Variants in FBLN2 observed in about 807,000 individuals in gnomAD.
FBLN2 encodes the protein fibulin 2.
Under a neutral mutation model 123.7 loss-of-function variants are expected in FBLN2, and 81 were observed. The ratio of observed to expected loss-of-function variants is 0.65; its 90% confidence interval spans 0.55 to 0.79. The LOEUF is 0.79. Ranked by LOEUF, FBLN2 falls within the 30% of genes least tolerant of loss-of-function variation. The probability of loss-of-function intolerance (pLI) is 0.00; values close to 1 mark genes in which losing one functional copy is unlikely to be tolerated. For missense variants in FBLN2, 1,603 were observed against 1,681.3 expected (o/e 0.95, Z 0.81); for synonymous variants, 699 against 701.4 (o/e 1.00, Z 0.05).
At chr3:13,565,702 C>A (rs562527320) in intron 1 of FBLN2, among the ~76,000 whole-genome samples, 36 of 152,356 alleles carry the variant, frequency 2.4e-4, no homozygotes, top group African/African-American at 5.0e-4. Context: ...AGGGTTGCAG[C>A]CTGAGGCCAG....
intron 3 of FBLN2, among the ~76,000 whole-genome samples, chr3:13,609,256 C>T (rs968049817): frequency 6.6e-6 from 1 of 152,196 alleles, no homozygotes; most frequent in African/African-American, 2.4e-5. Flanking sequence ...GGGGTGGGGA[C>T]TCTGATGCCA....
intron 2 of FBLN2, among the ~76,000 whole-genome samples, chr3:13,587,469 C>T (rs1162316197): frequency 4.6e-5 from 7 of 152,160 alleles, no homozygotes; most frequent in Admixed American, 2.0e-4. Flanking sequence ...GAGTCACCCA[C>T]GGCAGCATCC....
intron 2 of FBLN2, among the ~76,000 whole-genome samples, chr3:13,574,861 A>G (rs1268720367): frequency 6.6e-6 from 1 of 150,814 alleles, no homozygotes; most frequent in Non-Finnish European, 1.5e-5. Context: ...CCGATCCCCC[A>G]CCCGCTGGGC....
chr3:13,581,246 C>T (rs899156732), intron 2 of FBLN2, among the ~76,000 whole-genome samples: 1 of 151,756 alleles, frequency 6.6e-6, no homozygotes, highest in Non-Finnish European at 1.5e-5. Flanking sequence ...GGGCCTGGGG[C>T]ACTGGCTTTC....
intron 2 of FBLN2, among the ~76,000 whole-genome samples, chr3:13,576,279 G>A (rs1704143361): frequency 6.6e-6 from 1 of 152,212 alleles, no homozygotes; most frequent in South Asian, 2.1e-4. Context: ...ACACTGCAGA[G>A]CCCCTCATGC....
At chr3:13,567,668 T>C (rs995548148) in intron 1 of FBLN2, among the ~76,000 whole-genome samples, 1 of 151,676 alleles carries the variant, frequency 6.6e-6, no homozygotes, top group African/African-American at 2.4e-5. Flanking sequence ...AAAGATTTCC[T>C]TTCTTAAAAG....
At chr3:13,577,330 G>GCGTGCTC in intron 2 of FBLN2, among the ~76,000 whole-genome samples, 1 of 152,136 alleles carries the variant, frequency 6.6e-6, no homozygotes, top group South Asian at 2.1e-4. Context: ...AGCGAGCCAC[G>GCGTGCTC]CGTGCACCTG....
intron 2 of FBLN2, among the ~76,000 whole-genome samples, chr3:13,582,406 C>T (rs58058003): frequency 0.052 from 7,981 of 152,284 alleles, 448 homozygotes; most frequent in East Asian, 0.3. Flanking sequence ...AGCACCTCCT[C>T]GAGGCTAGGC....
chr3:13,594,556 T>G (rs376895847), intron 2 of FBLN2, among the ~76,000 whole-genome samples: 1 of 152,186 alleles, frequency 6.6e-6, no homozygotes, highest in Admixed American at 6.5e-5. Flanking sequence ...GTTTAAACCC[T>G]TGGGCACATC....
At chr3:13,591,031 T>G (rs78435085) in intron 2 of FBLN2, among the ~76,000 whole-genome samples, 3 of 152,254 alleles carry the variant, frequency 2.0e-5, no homozygotes, top group Non-Finnish European at 4.4e-5. Flanking sequence ...CAGCCATGCA[T>G]GAGAGTTCCA....
chr3:13,552,899 G>A (rs1345704824), intron 1 of FBLN2, among the ~76,000 whole-genome samples: 2 of 152,152 alleles, frequency 1.3e-5, no homozygotes, highest in African/African-American at 2.4e-5. Flanking sequence ...ACAGAGGAGC[G>A]GAACACAGGG....
chr3:13,550,112 C>A (rs994410739), intron 1 of FBLN2, among the ~76,000 whole-genome samples: 1 of 152,224 alleles, frequency 6.6e-6, no homozygotes, highest in African/African-American at 2.4e-5. Context: ...GTCTCACATA[C>A]GAGTCACAGA....
intron 2 of FBLN2, among the ~76,000 whole-genome samples, chr3:13,605,657 G>A (rs1705178521): frequency 6.6e-6 from 1 of 152,088 alleles, no homozygotes; most frequent in Non-Finnish European, 1.5e-5. Flanking sequence ...CACTTGACAT[G>A]GGCATCCTTG....
At chr3:13,554,237 T>G (rs1285617781) in intron 1 of FBLN2, among the ~76,000 whole-genome samples, 1 of 152,214 alleles carries the variant, frequency 6.6e-6, no homozygotes, top group Admixed American at 6.5e-5. Context: ...CAGCCACCTG[T>G]GTCTCCCGTG....
At chr3:13,590,333 A>G (rs963159118) in intron 2 of FBLN2, among the ~76,000 whole-genome samples, 3 of 146,752 alleles carry the variant, frequency 2.0e-5, no homozygotes, top group African/African-American at 7.7e-5. Context: ...TCTTTAATTT[A>G]TTTATTTATC....
intron 2 of FBLN2, among the ~76,000 whole-genome samples, chr3:13,587,795 A>G (rs1027935991): frequency 6.6e-6 from 1 of 152,262 alleles, no homozygotes; most frequent in East Asian, 1.9e-4. Flanking sequence ...TATTGATCCC[A>G]GGTCTTTAGA....
chr3:13,619,300 A>G (rs953164494), intron 7 of FBLN2, among the ~76,000 whole-genome samples: 1 of 152,164 alleles, frequency 6.6e-6, no homozygotes, highest in Non-Finnish European at 1.5e-5. Flanking sequence ...GAGGTAGTCA[A>G]ATCCTGGTTT....
At chr3:13,562,348 G>C (rs916827884) in intron 1 of FBLN2, among the ~76,000 whole-genome samples, 1 of 150,070 alleles carries the variant, frequency 6.7e-6, no homozygotes, top group Admixed American at 6.6e-5. Context: ...TACGTAACAT[G>C]AAGTTTACTT....
intron 9 of FBLN2, among the ~76,000 whole-genome samples, chr3:13,625,089 T>A (rs1705988326): frequency 2.1e-5 from 3 of 141,272 alleles, no homozygotes; most frequent in Admixed American, 2.1e-4. Context: ...GTGGCCTCTG[T>A]GGCCTGGGGT....
Sources: gnomAD v4.1 joint callset for allele counts (sites outside exome capture counted in the v4.1 genomes callset) on GRCh38, gnomAD v4.1.1 for gene constraint, MANE v1.5 for transcripts, NCBI Gene and HGNC (gene_info 2026-07-23, HGNC 2026-07-21) for gene names.